Variants in PNPLA1 observed in about 807,000 individuals in gnomAD.
The protein encoded by PNPLA1 is omega-hydroxyceramide transacylase.
A neutral mutation model predicts 51.7 loss-of-function variants in PNPLA1; 36 were observed. The ratio of observed to expected loss-of-function variants is 0.70; its 90% CI spans 0.53 to 0.92. PNPLA1 has a LOEUF of 0.92. PNPLA1 is among the 40% of genes least tolerant of loss of function. The probability of loss-of-function intolerance (pLI) is 0.00; values close to 1 mark genes in which losing one functional copy is unlikely to be tolerated. For missense variants in PNPLA1, 658 were observed against 682.5 expected (o/e 0.96, Z 0.40); for synonymous variants, 293 against 280.1 (o/e 1.05, Z -0.46).
At position 36,256,466 on chromosome 6, in the gene PNPLA1, C is replaced by T. The variant is rs563918853; in HGVS notation, c.-81+13205C>T. Among the ~76,000 whole-genome samples the T allele has an allele frequency of 2.3e-3, 346 of 151,896 alleles. 1 individual carries two copies. The highest frequency in any genetic ancestry group is 7.9e-3 in the African/African-American group (327 of 41,426). The stretch of plus-strand genomic sequence containing the variant: ...ATATATATATTTATTTATTTATTTT[C>T]GAGATGGAGTTTTGCTCTGTCTCCA... On this transcript the variant is annotated intron_variant, in intron 1 of 7. Coordinates refer to the PNPLA1 transcript ENST00000312917.
intron 6 of PNPLA1, among the ~76,000 whole-genome samples, chr6:36,305,655 T>C (rs75679408): frequency 0.12 from 17,602 of 151,928 alleles, 1,200 homozygotes; most frequent in Middle Eastern, 0.2. Context: ...ACATGAAGCA[T>C]GTGATGGAAA....
At chr6:36,309,297 A>T (rs1314936726) in intron 8 of PNPLA1, among the ~76,000 whole-genome samples, 2 of 152,168 alleles carry the variant, frequency 1.3e-5, no homozygotes, top group Non-Finnish European at 2.9e-5. Context: ...CCCTGGGTTC[A>T]TGGGATCAAC....
At position 36,307,314 on chromosome 6, in the gene PNPLA1, A is replaced by G. The variant is rs1033099911; in HGVS notation, c.1470-273A>G. ...AAATTTAACAATTTTGAGCTTAGGC[A>G]TAAGTTATGCATTTTGTTCACATAA... On this transcript the variant is annotated intron_variant, in intron 7 of 8. Coordinates refer to ENST00000636260, the MANE Select transcript of PNPLA1 (RefSeq NM_001374623.1). Among the ~76,000 whole-genome samples, 69 of 152,362 alleles carry G rather than the reference A, an allele frequency of 4.5e-4. 1 individual carries two copies. Among genetic ancestry groups the G allele is most frequent in the African/African-American group, 1.6e-3 (68 of 41,586 alleles).
intron 1 of PNPLA1, among the ~76,000 whole-genome samples, chr6:36,277,272 G>A (rs1770131710): frequency 6.6e-6 from 1 of 152,218 alleles, no homozygotes; most frequent in African/African-American, 2.4e-5. Flanking sequence ...AAAGGGAAAA[G>A]GGAAGGGCAC....
At chr6:36,253,336 A>C (rs1448313145) in intron 1 of PNPLA1, among the ~76,000 whole-genome samples, 3 of 152,220 alleles carry the variant, frequency 2.0e-5, no homozygotes, top group African/African-American at 7.2e-5. Context: ...ATGTAGCTTT[A>C]CAATGCTTGA....
chr6:36,261,347 CTTACAGT>C (rs1286875912), intron 1 of PNPLA1, among the ~76,000 whole-genome samples: 1 of 152,236 alleles, frequency 6.6e-6, no homozygotes. Context: ...CCCTAAGGGG[CTTACAGT>C]CAAACAGCAG....
chr6:36,274,507 CA>C (rs1770031521), intron 1 of PNPLA1, among the ~76,000 whole-genome samples: 1 of 152,122 alleles, frequency 6.6e-6, no homozygotes, highest in South Asian at 2.1e-4. Context: ...TTTAGTTAGT[CA>C]TTTTATTGAT....
At chr6:36,295,500 G>C in intron 5 of PNPLA1, 76 bp downstream of exon 5, 2 of 1,463,978 alleles carry the variant, frequency 1.4e-6, no homozygotes, top group Non-Finnish European at 1.9e-6. Context: ...GGGCTGAATG[G>C]AGGGGTATTC....
chr6:36,282,212 G>GAAGGGAAGGAAGGAAGGAA (rs1770334163), intron 1 of PNPLA1, among the ~76,000 whole-genome samples: 3 of 108,632 alleles, frequency 2.8e-5, no homozygotes, highest in Admixed American at 2.0e-4. Context: ...AAGGAAGGAA[G>GAAGGGAAGGAAGGAAGGAA]GGAAGGAAGG....
chr6:36,266,381 CT>C (rs1213831912), upstream of PNPLA1, among the ~76,000 whole-genome samples: 3 of 152,204 alleles, frequency 2.0e-5, no homozygotes, highest in Admixed American at 6.5e-5. Flanking sequence ...CACGTTTCCC[CT>C]GATGGATGTA....
intron 8 of PNPLA1, among the ~76,000 whole-genome samples, chr6:36,311,474 T>A (rs1253139487): frequency 6.6e-6 from 1 of 152,232 alleles, no homozygotes; most frequent in Non-Finnish European, 1.5e-5. Flanking sequence ...GATGACCGGC[T>A]AATGAGGCTG....
chr6:36,292,309 G>T (rs1658879308), intron 2 of PNPLA1, among the ~76,000 whole-genome samples: 1 of 152,036 alleles, frequency 6.6e-6, no homozygotes, highest in South Asian at 2.1e-4. Context: ...AGGCCCCCTG[G>T]GTTTATCAGC....
chr6:36,300,306 T>C (rs1460109376), intron 5 of PNPLA1, among the ~76,000 whole-genome samples: 1 of 150,854 alleles, frequency 6.6e-6, no homozygotes, highest in Non-Finnish European at 1.5e-5. Context: ...GCCATTCTCC[T>C]GCCTCAGCCT....
chr6:36,259,408 A>G (rs1348360202), intron 1 of PNPLA1, among the ~76,000 whole-genome samples: 1 of 152,176 alleles, frequency 6.6e-6, no homozygotes, highest in East Asian at 1.9e-4. Context: ...GAAAAAAAAT[A>G]CTGAAAAGGT....
chr6:36,300,717 G>A (rs1225784767), intron 5 of PNPLA1, among the ~76,000 whole-genome samples: 2 of 152,116 alleles, frequency 1.3e-5, no homozygotes, highest in Non-Finnish European at 2.9e-5. Context: ...TGTCCATCGG[G>A]TTTCTCCATT....
At chr6:36,280,299 G>T (rs554861537) in intron 1 of PNPLA1, among the ~76,000 whole-genome samples, 2 of 152,280 alleles carry the variant, frequency 1.3e-5, no homozygotes, top group South Asian at 2.1e-4. Context: ...CAAGGACTTG[G>T]TTTTTTTGCA....
At chr6:36,291,687 A>G (rs776743638) in intron 2 of PNPLA1, 135 bp downstream of exon 2, 10 of 770,746 alleles carry the variant, frequency 1.3e-5, no homozygotes, top group Non-Finnish European at 2.1e-5. Context: ...TCATGCCCCC[A>G]GAGTCTCGCT....
At chr6:36,267,723 G>C (rs1769795780), upstream of PNPLA1, among the ~76,000 whole-genome samples, 1 of 152,106 alleles carries the variant, frequency 6.6e-6, no homozygotes, top group South Asian at 2.1e-4. Context: ...TCCTCCGCCT[G>C]CTTACCCTTC....
intron 1 of PNPLA1, among the ~76,000 whole-genome samples, chr6:36,282,938 C>T (rs1348948382): frequency 6.6e-6 from 1 of 152,196 alleles, no homozygotes; most frequent in Non-Finnish European, 1.5e-5. Context: ...CCACCTTGGC[C>T]TCCCAAAGTG....
Sources: allele counts gnomAD v4.1 joint callset (sites outside exome capture counted in the v4.1 genomes callset), GRCh38; gene constraint gnomAD v4.1.1; transcripts MANE v1.5; gene names NCBI Gene and HGNC (gene_info 2026-07-23, HGNC 2026-07-21).